CERKL: variants seen among roughly 807,000 people sequenced by gnomAD.
CERKL encodes CERK like autophagy regulator.
CERKL carries 61 observed loss-of-function variants against 63.4 expected under a neutral mutation model. That is an observed-to-expected ratio of 0.96 (90% confidence interval 0.78 to 1.19). The LOEUF (loss-of-function observed/expected upper bound fraction) is 1.19. Ranked by LOEUF, CERKL falls within the 50% of genes most tolerant of loss-of-function variation. CERKL has a pLI of 0.00. For synonymous variants in CERKL, 250 were observed against 230.5 expected (o/e 1.08, Z -0.77); for missense variants, 675 against 655.5 (o/e 1.03, Z -0.33).
intron 1 of CERKL, among the ~76,000 whole-genome samples, chr2:181,618,305 T>C (rs926190312): frequency 1.3e-5 from 2 of 151,872 alleles, no homozygotes; most frequent in African/African-American, 4.8e-5. Context: ...TTTGAAAAAA[T>C]TTAAAATAGA....
chr2:181,575,055 T>A (rs893141608), intron 2 of CERKL, among the ~76,000 whole-genome samples: 1 of 152,186 alleles, frequency 6.6e-6, no homozygotes, highest in Admixed American at 6.5e-5. Context: ...GCCTTCCTTT[T>A]TCCTTGCCAC....
At chr2:181,626,249 A>T (rs991707236) in intron 1 of CERKL, among the ~76,000 whole-genome samples, 2 of 152,210 alleles carry the variant, frequency 1.3e-5, no homozygotes, top group Admixed American at 1.3e-4. Flanking sequence ...GAATGTTCAA[A>T]ATGGAAAACA....
intron 3 of CERKL, among the ~76,000 whole-genome samples, chr2:181,568,068 T>C (rs1315039437): frequency 6.6e-6 from 1 of 152,176 alleles, no homozygotes; most frequent in East Asian, 1.9e-4. Flanking sequence ...CAATTCTCAC[T>C]GCTGGGAATT....
Position 181,539,084 on chromosome 2 carries a change from A to C in CERKL, c.1538+8T>G. 1 of 1,558,812 alleles carries C rather than the reference A, an allele frequency of 6.4e-7. No individual in the cohort carries two copies. Among genetic ancestry groups the C allele is most frequent in the South Asian group, 1.1e-5 (1 of 89,846 alleles). ...GTTGACAATAAGCGGTGAAATAAAT[A>C]GACTTACCTAATATGGACCTCTGAT... On this transcript the variant is annotated splice_region_variant and intron_variant, in intron 12 of 12. Transcript: ENST00000410087.
At chr2:181,552,729 T>G (rs1688037439) in intron 5 of CERKL, among the ~76,000 whole-genome samples, 1 of 152,216 alleles carries the variant, frequency 6.6e-6, no homozygotes, top group South Asian at 2.1e-4. Flanking sequence ...TTATGCATGT[T>G]TATCTTTATT....
chr2:181,545,949 C>T (rs1687708795), intron 10 of CERKL, among the ~76,000 whole-genome samples: 1 of 152,016 alleles, frequency 6.6e-6, no homozygotes, highest in Non-Finnish European at 1.5e-5. Context: ...AATATTAGTT[C>T]CTACTGGCAA....
chr2:181,641,857 A>C (rs1447898733), intron 1 of CERKL, among the ~76,000 whole-genome samples: 4 of 152,192 alleles, frequency 2.6e-5, no homozygotes, highest in African/African-American at 4.8e-5. Context: ...TGAACACTTC[A>C]GATATAGTGC....
At chr2:181,546,533 AC>A (rs377226589) in intron 10 of CERKL, among the ~76,000 whole-genome samples, 44 of 152,276 alleles carry the variant, frequency 2.9e-4, no homozygotes, top group African/African-American at 1.0e-3. Flanking sequence ...ATTAATGAGG[AC>A]CTTGCCATCT....
intron 11 of CERKL, among the ~76,000 whole-genome samples, chr2:181,543,848 G>A (rs751538950): frequency 3.3e-5 from 5 of 152,078 alleles, no homozygotes; most frequent in Admixed American, 2.0e-4. Context: ...GCTGGGCATG[G>A]AGGTGTGAGC....
chr2:181,614,995 T>C (rs187255143), intron 1 of CERKL, among the ~76,000 whole-genome samples: 225 of 152,348 alleles, frequency 1.5e-3, no homozygotes, highest in African/African-American at 5.0e-3. Flanking sequence ...TGGTTTATTA[T>C]TTGAAATCTA....
chr2:181,539,289 T>G (rs753084085), intron 11 of CERKL, 25 bp from the exon 12 acceptor site: 2 of 1,462,324 alleles, frequency 1.4e-6, no homozygotes, highest in Admixed American at 1.7e-5. Flanking sequence ...AAATAATCAT[T>G]ATACTTGGTT....
At chr2:181,576,827 A>G (rs1684248269) in intron 2 of CERKL, among the ~76,000 whole-genome samples, 1 of 152,236 alleles carries the variant, frequency 6.6e-6, no homozygotes, top group African/African-American at 2.4e-5. Context: ...ATAGTATGTG[A>G]AAGAGAAGAG....
Position 181,573,817 on chromosome 2 carries a change from G to T in CERKL, c.549C>A (p.Thr183=). The T allele has an allele frequency of 6.2e-7, 1 of 1,612,054 alleles. No individual in the cohort carries two copies. The highest frequency in any genetic ancestry group is 1.1e-5 in the South Asian group (1 of 90,862). The change falls in exon 3 of 13, where the codon ACC becomes ACA. Residue 183 remains threonine (T), a synonymous_variant. Coordinates refer to ENST00000410087, the MANE Select transcript of CERKL (RefSeq NM_201548.5). ...LNPQSHKKEA[T]QVYYEKVEPL... The stretch of plus-strand genomic sequence containing the variant: ...GTTCAACCTTCTCATAATAAACCTG[G>T]GTAGCTTCTTTTTTGTGACTTTGGG...
At chr2:181,542,445 G>A (rs372629210) in intron 11 of CERKL, among the ~76,000 whole-genome samples, 38 of 152,212 alleles carry the variant, frequency 2.5e-4, no homozygotes, top group African/African-American at 7.9e-4. Flanking sequence ...ACATAGATCT[G>A]ATTTTCATAA....
intron 1 of CERKL, among the ~76,000 whole-genome samples, chr2:181,621,285 G>GT (rs1417307509): frequency 6.6e-6 from 1 of 152,080 alleles, no homozygotes; most frequent in Non-Finnish European, 1.5e-5. Context: ...TAATAAAATT[G>GT]TAAGTCTTAA....
chr2:181,577,027 G>A (rs932942746), intron 2 of CERKL, among the ~76,000 whole-genome samples: 1 of 152,092 alleles, frequency 6.6e-6, no homozygotes, highest in Admixed American at 6.5e-5. Flanking sequence ...TAGATTCTGG[G>A]CTCCAGCCCC....
At chr2:181,539,361 C>T in intron 11 of CERKL, 97 bp from the exon 12 acceptor site, 1 of 781,630 alleles carries the variant, frequency 1.3e-6, no homozygotes, top group South Asian at 1.5e-5. Flanking sequence ...TAAATATCAG[C>T]ATGTATGCTG....
intron 2 of CERKL, among the ~76,000 whole-genome samples, chr2:181,600,492 A>G (rs1173182379): frequency 6.6e-6 from 1 of 152,192 alleles, no homozygotes; most frequent in South Asian, 2.1e-4. Context: ...AATGACAACC[A>G]TGGGCTCAAA....
intron 2 of CERKL, among the ~76,000 whole-genome samples, chr2:181,579,819 C>G (rs1684421699): frequency 6.6e-6 from 1 of 151,790 alleles, no homozygotes; most frequent in African/African-American, 2.4e-5. Flanking sequence ...TCTACCTATC[C>G]CAACATTATT....
Sources: gnomAD v4.1 joint callset for allele counts (sites outside exome capture counted in the v4.1 genomes callset) on GRCh38, gnomAD v4.1.1 for gene constraint, MANE v1.5 for transcripts, NCBI Gene and HGNC (gene_info 2026-07-23, HGNC 2026-07-21) for gene names.